The following KDM3A variants were observed in gnomAD, a reference collection of about 807,000 sequenced individuals.
KDM3A encodes lysine-specific demethylase 3A.
A neutral mutation model predicts 158.0 loss-of-function variants in KDM3A; 60 were observed. That is an observed-to-expected ratio of 0.38 (90% confidence interval 0.31 to 0.47). The LOEUF is 0.47. Among genes scored for constraint, KDM3A ranks in the 20% least tolerant of loss-of-function variants. KDM3A has a pLI of 0.99. For missense variants in KDM3A, 1,319 were observed against 1,574.3 expected (o/e 0.84, Z 2.74); for synonymous variants, 608 against 549.3 (o/e 1.11, Z -1.49).
intron 2 of KDM3A, 60 bp from the exon 3 acceptor site, chr2:86,449,747 G>T: frequency 6.5e-7 from 1 of 1,527,370 alleles, no homozygotes; most frequent in Non-Finnish European, 8.8e-7. Context: ...TGGGGCATTT[G>T]TAATGCTTAT....
intron 12 of KDM3A, 106 bp from the exon 13 acceptor site, chr2:86,477,771 A>T: frequency 9.2e-7 from 1 of 1,092,160 alleles, no homozygotes; most frequent in Non-Finnish European, 1.3e-6. Flanking sequence ...AACAAAGTTA[A>T]TTTGAAGTCT....
At chr2:86,444,782 A>G (rs993933441) in intron 2 of KDM3A, among the ~76,000 whole-genome samples, 1 of 152,194 alleles carries the variant, frequency 6.6e-6, no homozygotes, top group African/African-American at 2.4e-5. Context: ...ATAGTTATGG[A>G]TGATATTAAT....
chr2:86,482,831 A>C (rs1170531972), intron 18 of KDM3A, 137 bp downstream of exon 18: 1 of 820,714 alleles, frequency 1.2e-6, no homozygotes, highest in East Asian at 2.4e-5. Flanking sequence ...AGGTGAATAT[A>C]ATCAGGTCAG....
intron 2 of KDM3A, among the ~76,000 whole-genome samples, chr2:86,447,924 A>G (rs1683020899): frequency 1.3e-5 from 2 of 152,316 alleles, no homozygotes; most frequent in Admixed American, 6.5e-5. Context: ...TGATGTGAAT[A>G]TGGAGCAGAA....
At chr2:86,491,411 ATC>A in intron 25 of KDM3A, 136 bp downstream of exon 25, 2 of 788,010 alleles carry the variant, frequency 2.5e-6, no homozygotes, top group Non-Finnish European at 4.2e-6. Flanking sequence ...CTTGCTTTAT[ATC>A]TAGTACTACT....
At chr2:86,443,063 C>G (rs1168785381) in intron 2 of KDM3A, 1 of 152,100 alleles carries the variant, frequency 6.6e-6, no homozygotes, top group East Asian at 1.9e-4. Flanking sequence ...TGTCTGGGAA[C>G]AAGCAGTGAG....
intron 2 of KDM3A, 149 bp downstream of exon 2, chr2:86,442,382 T>G (rs1161820778): frequency 1.7e-5 from 13 of 745,752 alleles, no homozygotes; most frequent in Admixed American, 2.9e-5. Context: ...TTGAAAGTCT[T>G]TGGAATGGTT....
At chr2:86,453,856 T>C (rs1411848678) in intron 4 of KDM3A, among the ~76,000 whole-genome samples, 4 of 152,206 alleles carry the variant, frequency 2.6e-5, no homozygotes, top group East Asian at 1.9e-4. Context: ...TTGGTCATTA[T>C]CCATTTCACA....
chr2:86,488,977 G>A (rs539919553), intron 21 of KDM3A: 38 of 227,032 alleles, frequency 1.7e-4, no homozygotes, highest in Middle Eastern at 1.8e-3. Context: ...TCCCCATCTC[G>A]AGTGGTCCTT....
In KDM3A at chr2:86,475,025, C is replaced by T. The variant is rs759552865; in HGVS notation, c.1939+35C>T. 5.1e-6 allele frequency: 8 copies of T among 1,553,930 alleles called. No individual in the cohort carries two copies. The East Asian group carries it at 1.8e-4, about 35-fold the overall frequency. ...TCTCTTAGGGGGTAGGATTTTCGAGCCCAATTTGATTTTTGTTCCTAAGTG... is the reference window on the plus strand; with the variant it reads ...TCTCTTAGGGGGTAGGATTTTCGAGTCCAATTTGATTTTTGTTCCTAAGTG... On this transcript the variant is annotated intron_variant, in intron 12 of 25. Coordinates refer to ENST00000312912, the MANE Select transcript of KDM3A (RefSeq NM_018433.6).
At chr2:86,475,462 G>A (rs1673620234) in intron 12 of KDM3A, among the ~76,000 whole-genome samples, 2 of 152,222 alleles carry the variant, frequency 1.3e-5, no homozygotes, top group Non-Finnish European at 2.9e-5. Flanking sequence ...GTCAAGGTTT[G>A]AAGGGAATAC....
intron 10 of KDM3A, among the ~76,000 whole-genome samples, chr2:86,468,383 C>G (rs1026084729): frequency 6.6e-6 from 1 of 152,176 alleles, no homozygotes; most frequent in Non-Finnish European, 1.5e-5. Context: ...ATCATCAGCT[C>G]TCACACACAG....
intron 12 of KDM3A, among the ~76,000 whole-genome samples, chr2:86,476,676 A>C (rs1045975360): frequency 1.3e-5 from 2 of 152,252 alleles, no homozygotes; most frequent in Admixed American, 1.3e-4. Context: ...CTGATGAAAC[A>C]GTCTAATCCA....
chr2:86,451,072 T>TA lies in KDM3A; in HGVS notation c.343-30dup, dbSNP rs776406459. Reference sequence around the variant, plus strand: ...TTTTCAGAATTATGCTGACAGCAGTTATGATGCTAAAGTGTTTTCTTTTGT... The same window carrying TA: ...TTTTCAGAATTATGCTGACAGCAGTTAATGATGCTAAAGTGTTTTCTTTTGT... On this transcript the variant is annotated intron_variant, in intron 3 of 25. Transcript: ENST00000312912. 4.0e-5 allele frequency: 58 copies of TA among 1,440,664 alleles called. No individual in the cohort carries two copies. The South Asian group carries it at 6.4e-4, about 16-fold the overall frequency. The allele number at this position is 1,440,664 out of a possible 1,614,324, so 89.2% of individuals were successfully genotyped here. A position where few individuals can be genotyped will look rare whatever the true frequency, so the allele number is the denominator to read the frequency against.
Position 86,489,446 on chromosome 2 carries a change from C to T in KDM3A, c.3433+9C>T. 1 of 1,613,298 alleles carries T rather than the reference C, an allele frequency of 6.2e-7. No individual in the cohort carries two copies. The highest frequency in any genetic ancestry group is 8.5e-7 in the Non-Finnish European group (1 of 1,179,672). On this transcript the variant is annotated intron_variant, in intron 22 of 25. Transcript: ENST00000312912. ...GTGTGAGCAAGAAGAAGGTAGGGTG[C>T]TGAGCATAAAAGGAGGGCTTACTCT...
chr2:86,476,961 G>A (rs972643756), intron 12 of KDM3A, among the ~76,000 whole-genome samples: 2 of 152,174 alleles, frequency 1.3e-5, no homozygotes, highest in African/African-American at 4.8e-5. Flanking sequence ...CTGACTGCCA[G>A]GAGTCTCCTA....
chr2:86,451,992 T>C (rs1672490808), intron 4 of KDM3A, among the ~76,000 whole-genome samples: 2 of 152,208 alleles, frequency 1.3e-5, no homozygotes, highest in African/African-American at 4.8e-5. Flanking sequence ...ACCTATTTGC[T>C]AAAATATATT....
Position 86,467,556 on chromosome 2 carries a change from G to A in KDM3A, c.1519+673G>A, listed in dbSNP as rs371885248. On this transcript the variant is annotated intron_variant, in intron 10 of 25. Transcript: ENST00000312912. ...GGGAAATTGGTACGTTGTACTTGAT[G>A]CTACTTATATGAAGTTTGAGGATGC... is the stretch of plus-strand genomic sequence containing the variant. Among the ~76,000 whole-genome samples, 4 of 152,290 alleles carry A rather than the reference G, an allele frequency of 2.6e-5. No homozygotes were observed. The East Asian group carries it at 5.8e-4, about 22-fold the overall frequency.
intron 12 of KDM3A, among the ~76,000 whole-genome samples, chr2:86,475,545 A>G (rs1229875987): frequency 6.6e-6 from 1 of 152,198 alleles, no homozygotes; most frequent in East Asian, 1.9e-4. Flanking sequence ...TCTGGCAGCC[A>G]TTAAGCCACA....
Sources: allele counts gnomAD v4.1 joint callset (sites outside exome capture counted in the v4.1 genomes callset), GRCh38; gene constraint gnomAD v4.1.1; transcripts MANE v1.5; gene names NCBI Gene and HGNC (gene_info 2026-07-23, HGNC 2026-07-21).